Variants in LARGE1 observed in about 807,000 individuals in gnomAD.
LARGE1 encodes xylosyl- and glucuronyltransferase LARGE1.
In LARGE1, 43 loss-of-function variants were observed where a neutral mutation model predicts 87.6. The observed-to-expected ratio is 0.49, with a 90% CI of 0.38 to 0.63. The LOEUF (loss-of-function observed/expected upper bound fraction) is 0.63. LARGE1 is among the 30% of genes least tolerant of loss of function. The probability of loss-of-function intolerance (pLI) is 0.00; values close to 1 mark genes in which losing one functional copy is unlikely to be tolerated. For missense variants in LARGE1, 802 were observed against 1,000.2 expected, an observed-to-expected ratio of 0.80 and a Z score of 2.67; for synonymous variants, 434 against 394.6, an observed-to-expected ratio of 1.10 and a Z score of -1.18.
chr22:33,584,060 A>G (rs1010968128), intron 5 of LARGE1, among the ~76,000 whole-genome samples: 3 of 152,236 alleles, frequency 2.0e-5, no homozygotes. Flanking sequence ...TATGCCCTTC[A>G]TAAGTGAAAA....
chr22:33,103,846 C>T, the LARGE1 span, among the ~76,000 whole-genome samples: 1 of 152,136 alleles, frequency 6.6e-6, no homozygotes, highest in Non-Finnish European at 1.5e-5. Context: ...TTCCCTTATA[C>T]TGTTCTCGTG....
At chr22:33,824,164 T>G (rs969768656) in intron 1 of LARGE1, among the ~76,000 whole-genome samples, 1 of 152,184 alleles carries the variant, frequency 6.6e-6, no homozygotes, top group Non-Finnish European at 1.5e-5. Flanking sequence ...CTTCATTATA[T>G]GTATTTCCCC....
chr22:33,194,831 C>T (rs1018963375), intron 11 of LARGE1, among the ~76,000 whole-genome samples: 1 of 152,144 alleles, frequency 6.6e-6, no homozygotes, highest in Non-Finnish European at 1.5e-5. Flanking sequence ...GAAGGAGTGA[C>T]TTTTGCCAGA....
intron 2 of LARGE1, among the ~76,000 whole-genome samples, chr22:33,650,948 C>T (rs2080782595): frequency 6.6e-6 from 1 of 151,990 alleles, no homozygotes; most frequent in Admixed American, 6.6e-5. Context: ...CTTCCTCTCC[C>T]TACTTGGCAT....
chr22:33,461,794 C>A (rs1256636745), intron 6 of LARGE1, among the ~76,000 whole-genome samples: 1 of 152,110 alleles, frequency 6.6e-6, no homozygotes, highest in Non-Finnish European at 1.5e-5. Context: ...AAGCCAATCT[C>A]CATGTTGTAG....
At chr22:33,315,953 T>C in intron 11 of LARGE1, 132 bp downstream of exon 11, 1 of 1,046,588 alleles carries the variant, frequency 9.6e-7, no homozygotes, top group East Asian at 2.7e-5. Context: ...TAAGCCCATG[T>C]GCCATCTCTT....
At chr22:33,556,559 GGAGGGAGGCAGGCAGGCAGGCAGGC>G (rs1401472126) in intron 6 of LARGE1, among the ~76,000 whole-genome samples, 7 of 99,086 alleles carry the variant, frequency 7.1e-5, no homozygotes, top group Non-Finnish European at 1.3e-4. Context: ...AGGGAGGGAG[GGAGGGAGGCAGGCAGGCAGGCAGGC>G]AGGAAGGCAG....
At chr22:33,335,281 GAA>G (rs1569068140) in intron 10 of LARGE1, among the ~76,000 whole-genome samples, 1 of 152,232 alleles carries the variant, frequency 6.6e-6, no homozygotes, top group African/African-American at 2.4e-5. Flanking sequence ...CCCAGAATCT[GAA>G]AGAGTTCCAG....
chr22:33,488,311 A>G (rs1005370557), intron 6 of LARGE1, among the ~76,000 whole-genome samples: 9 of 152,236 alleles, frequency 5.9e-5, no homozygotes, highest in Admixed American at 2.0e-4. Context: ...GATGTAAAAC[A>G]TTTCCATCAG....
intron 6 of LARGE1, among the ~76,000 whole-genome samples, chr22:33,479,489 A>ATT (rs2069219360): frequency 6.6e-6 from 1 of 152,212 alleles, no homozygotes; most frequent in Non-Finnish European, 1.5e-5. Context: ...TTTGTCAGTT[A>ATT]TTTCTACAGT....
chr22:33,700,588 T>C (rs953599930), intron 2 of LARGE1, among the ~76,000 whole-genome samples: 1 of 152,146 alleles, frequency 6.6e-6, no homozygotes, highest in African/African-American at 2.4e-5. Flanking sequence ...CTCTGAATTT[T>C]ATAGGTGAAG....
chr22:33,442,885 C>T (rs190885673), intron 6 of LARGE1, among the ~76,000 whole-genome samples: 13 of 151,968 alleles, frequency 8.6e-5, no homozygotes, highest in East Asian at 5.8e-4. Context: ...CTCCGCCTCC[C>T]GGGTTCACGC....
chr22:33,509,163 C>T lies in LARGE1; in HGVS notation c.787+55685G>A, dbSNP rs1398896739. Among the ~76,000 whole-genome samples, 3 of 152,184 alleles carry T rather than the reference C, an allele frequency of 2.0e-5. No individual in the cohort carries two copies. The East Asian group carries it at 5.8e-4, about 29-fold the overall frequency. On this transcript the variant is annotated intron_variant, in intron 6 of 14. Coordinates refer to ENST00000397394, the MANE Select transcript of LARGE1 (RefSeq NM_133642.5). ...GCATTATAATCACTGAGGGCCCCAC[C>T]CCTAGGGTTACTGATTTAGTATGCC...
intron 9 of LARGE1, among the ~76,000 whole-genome samples, chr22:33,343,024 T>TG (rs1569076660): frequency 1.3e-5 from 2 of 152,212 alleles, no homozygotes; most frequent in African/African-American, 4.8e-5. Context: ...TTTTCGCCAT[T>TG]AAAAATTGCA....
chr22:33,682,140 A>G (rs2081793529), intron 2 of LARGE1, among the ~76,000 whole-genome samples: 1 of 152,270 alleles, frequency 6.6e-6, no homozygotes, highest in Non-Finnish European at 1.5e-5. Flanking sequence ...TAACGTGCTC[A>G]TAACTTAAAC....
At chr22:33,112,383 TTTTAGGGGA>T in the LARGE1 span, among the ~76,000 whole-genome samples, 2 of 152,192 alleles carry the variant, frequency 1.3e-5, no homozygotes, top group African/African-American at 4.8e-5. Context: ...ATCCTAGAGT[TTTTAGGGGA>T]TTAAACGAGA....
intron 1 of LARGE1, among the ~76,000 whole-genome samples, chr22:33,891,311 G>T (rs1484581692): frequency 6.6e-6 from 1 of 152,014 alleles, no homozygotes; most frequent in East Asian, 1.9e-4. Flanking sequence ...TTCCTTACTG[G>T]CTATGACTTC....
intron 12 of LARGE1, among the ~76,000 whole-genome samples, chr22:33,297,717 C>T (rs922576807): frequency 1.3e-4 from 20 of 151,610 alleles, no homozygotes; most frequent in African/African-American, 4.4e-4. Flanking sequence ...GGATTCCTCA[C>T]GCCTATAATC....
At chr22:33,649,866 A>G (rs977339941) in intron 3 of LARGE1, among the ~76,000 whole-genome samples, 4 of 152,222 alleles carry the variant, frequency 2.6e-5, no homozygotes, top group Non-Finnish European at 4.4e-5. Flanking sequence ...GGGAGAAGTG[A>G]TATTAGGCTA....
Sources: gnomAD v4.1 joint callset for allele counts (sites outside exome capture counted in the v4.1 genomes callset) on GRCh38, gnomAD v4.1.1 for gene constraint, MANE v1.5 for transcripts, NCBI Gene and HGNC (gene_info 2026-07-23, HGNC 2026-07-21) for gene names.